SKA1: variants seen among roughly 807,000 people sequenced by gnomAD.
The protein encoded by SKA1 is spindle and kinetochore associated complex subunit 1.
Under a neutral mutation model 31.8 loss-of-function variants are expected in SKA1, and 20 were observed. The observed-to-expected ratio is 0.63, with a 90% CI of 0.44 to 0.91. The LOEUF is 0.91. Among genes scored for constraint, SKA1 ranks in the 40% least tolerant of loss-of-function variants. The pLI is 0.00. For missense variants in SKA1, 253 were observed against 298.2 expected (o/e 0.85, Z 1.12); for synonymous variants, 88 against 100.5 (o/e 0.88, Z 0.74).
intron 3 of SKA1, 73 bp from the exon 4 acceptor site, chr18:50,382,056 C>T (rs1001950559): frequency 1.6e-5 from 15 of 924,106 alleles, no homozygotes; most frequent in Non-Finnish European, 2.4e-5. Flanking sequence ...CACTGTTTTC[C>T]CTGCTCTTTA....
intron 4 of SKA1, among the ~76,000 whole-genome samples, chr18:50,383,692 T>C (rs748549614): frequency 7.9e-5 from 12 of 152,246 alleles, no homozygotes; most frequent in Non-Finnish European, 1.5e-4. Context: ...AAGCTGACTA[T>C]GGCCTAGCCT....
chr18:50,379,280 A>G (rs1337784355), intron 2 of SKA1, among the ~76,000 whole-genome samples: 1 of 152,198 alleles, frequency 6.6e-6, no homozygotes, highest in Non-Finnish European at 1.5e-5. Flanking sequence ...TGGGACCATG[A>G]GAATATACTA....
chr18:50,375,944 T>G, intron 2 of SKA1, 26 bp downstream of exon 2: 1 of 1,408,760 alleles, frequency 7.1e-7, no homozygotes, highest in Non-Finnish European at 9.9e-7. Context: ...TCCACTGACT[T>G]TGTATATACA....
At chr18:50,384,890 AG>A (rs2041293994) in intron 4 of SKA1, among the ~76,000 whole-genome samples, 56 of 118,792 alleles carry the variant, frequency 4.7e-4, no homozygotes, top group Middle Eastern at 4.6e-3. Flanking sequence ...AAAAAAAAAA[AG>A]GAAAAAAAAA....
At chr18:50,391,369 C>G (rs948510821) in intron 6 of SKA1, 76 bp downstream of exon 6, 34 of 1,261,368 alleles carry the variant, frequency 2.7e-5, no homozygotes, top group Non-Finnish European at 3.5e-5. Flanking sequence ...GTAGCTAGTT[C>G]TAGAAAATTC....
intron 5 of SKA1, among the ~76,000 whole-genome samples, chr18:50,387,937 A>G (rs1042972720): frequency 2.0e-5 from 3 of 152,174 alleles, no homozygotes; most frequent in Non-Finnish European, 4.4e-5. Flanking sequence ...GCTGGACAAG[A>G]TGTGTCTGGA....
chr18:50,382,575 T>G (rs1481665427), intron 4 of SKA1, among the ~76,000 whole-genome samples: 1 of 151,784 alleles, frequency 6.6e-6, no homozygotes. Context: ...GTGTTCTTGA[T>G]CTCTGCCTAC....
chr18:50,379,308 G>A (rs2041245750), intron 2 of SKA1, among the ~76,000 whole-genome samples: 1 of 152,136 alleles, frequency 6.6e-6, no homozygotes, highest in African/African-American at 2.4e-5. Context: ...AATGTCTTAT[G>A]TTTGTTTTTG....
chr18:50,377,972 G>A (rs527973629), intron 2 of SKA1, among the ~76,000 whole-genome samples: 131 of 152,216 alleles, frequency 8.6e-4, no homozygotes, highest in African/African-American at 3.0e-3. Context: ...TGAGACTCTC[G>A]GAAGTCAGGT....
In SKA1 at chr18:50,385,485, A is replaced by G. The variant is rs1350900180; in HGVS notation, c.449+132A>G. ...ATCTTTTAAAAAAGTTTCACATTAT[A>G]CTATGAAAATGCAGTAAATTTTTTG... On this transcript the variant is annotated intron_variant, in intron 5 of 6. Coordinates refer to ENST00000285116, the MANE Select transcript of SKA1 (RefSeq NM_145060.4). The G allele has an allele frequency of 3.6e-6, 3 of 843,472 alleles. No homozygotes were observed. The Admixed American group carries it at 1.1e-4, about 30-fold the overall frequency. The allele number at this position is 843,472 out of a possible 1,614,324, so 52.2% of individuals were successfully genotyped here.
intron 6 of SKA1, 129 bp from the exon 7 acceptor site, chr18:50,391,970 C>A: frequency 1.7e-6 from 1 of 600,022 alleles, no homozygotes; most frequent in Non-Finnish European, 2.8e-6. Context: ...AGCAAGAATA[C>A]TAGTTCTTGG....
In SKA1 at chr18:50,381,414, A is replaced by C. The variant is rs1396439766; in HGVS notation, c.214-715A>C. ...GCTGGGTATATTACCATGCTGTGAT[A>C]ATATGGTTGCTGTTACACAGGTAAC... is the stretch of plus-strand genomic sequence containing the variant. On this transcript the variant is annotated intron_variant, in intron 3 of 6. Coordinates refer to ENST00000285116, the MANE Select transcript of SKA1 (RefSeq NM_145060.4). 2.0e-5 allele frequency among the ~76,000 whole-genome samples: 3 copies of C among 152,240 alleles called. No individual in the cohort carries two copies. The East Asian group carries it at 5.8e-4, about 29-fold the overall frequency.
chr18:50,378,023 C>T (rs934611262), intron 2 of SKA1, among the ~76,000 whole-genome samples: 9 of 152,114 alleles, frequency 5.9e-5, no homozygotes, highest in South Asian at 4.1e-4. Flanking sequence ...CTTGGTTGGG[C>T]GACAGTTTCT....
chr18:50,382,956 T>A (rs1467287134), intron 4 of SKA1, among the ~76,000 whole-genome samples: 1 of 152,134 alleles, frequency 6.6e-6, no homozygotes. Flanking sequence ...ATTGCTTGAG[T>A]CTGGCAGGTC....
At chr18:50,381,966 C>T (rs1206961701) in intron 3 of SKA1, among the ~76,000 whole-genome samples, 163 bp from the exon 4 acceptor site, 1 of 152,172 alleles carries the variant, frequency 6.6e-6, no homozygotes, top group Admixed American at 6.5e-5. Context: ...ACCTCATGAT[C>T]CACCCGCCTT....
At chr18:50,385,580 G>C (rs7238839) in intron 5 of SKA1, among the ~76,000 whole-genome samples, 110,044 of 152,154 alleles carry the variant, frequency 0.72, 39,946 homozygotes, top group East Asian at 0.81. Flanking sequence ...TAAGTCCTCT[G>C]TTGGACCTTT....
At chr18:50,390,036 A>G (rs971809673) in intron 5 of SKA1, among the ~76,000 whole-genome samples, 9 of 152,212 alleles carry the variant, frequency 5.9e-5, no homozygotes, top group East Asian at 3.8e-4. Flanking sequence ...GTTAAAGTGG[A>G]AAACATTGAA....
At chr18:50,386,245 T>C (rs2041306627) in intron 5 of SKA1, among the ~76,000 whole-genome samples, 1 of 152,220 alleles carries the variant, frequency 6.6e-6, no homozygotes, top group South Asian at 2.1e-4. Context: ...TTTATTGTTA[T>C]AAATAATGGT....
Position 50,385,302 on chromosome 18 carries a change from G to A in SKA1, c.398G>A (p.Ser133Asn), listed in dbSNP as rs373246381. Residue 133 changes from serine (S) to asparagine (N), a missense_variant, in exon 5 of 7, where the codon AGT (serine) becomes AAT (asparagine). Transcript: ENST00000285116. ...AAGAAGCCTCCCAAAGAGCAAAGAAGTATTAAGGAAATGCCATTTATAACT... is the reference window on the plus strand; with the variant it reads ...AAGAAGCCTCCCAAAGAGCAAAGAAATATTAAGGAAATGCCATTTATAACT... ...PVKKPPKEQR[S>N]IKEMPFITCD... 1.9e-6 allele frequency: 3 copies of A among 1,613,420 alleles called. No homozygotes were observed. Among genetic ancestry groups the A allele is most frequent in the Admixed American group, 1.7e-5 (1 of 59,944 alleles).
Sources: allele counts gnomAD v4.1 joint callset (sites outside exome capture counted in the v4.1 genomes callset), GRCh38; gene constraint gnomAD v4.1.1; transcripts MANE v1.5; gene names NCBI Gene and HGNC (gene_info 2026-07-23, HGNC 2026-07-21).